Variants in NDUFAF6 observed in about 807,000 individuals in gnomAD.
NDUFAF6 encodes the protein NADH:ubiquinone oxidoreductase complex assembly factor 6.
A neutral mutation model predicts 40.8 loss-of-function variants in NDUFAF6; 45 were observed. The observed-to-expected ratio is 1.10, with a 90% CI of 0.87 to 1.42. The LOEUF (loss-of-function observed/expected upper bound fraction) is 1.42, where lower values mean the gene tolerates loss of function less well. Among genes scored for constraint, NDUFAF6 ranks in the 40% most tolerant of loss-of-function variants. The pLI is 0.00. For missense variants in NDUFAF6, 435 were observed against 418.5 expected, an observed-to-expected ratio of 1.04 and a Z score of -0.34; for synonymous variants, 185 against 155.9, an observed-to-expected ratio of 1.19 and a Z score of -1.39.
chr8:94,994,959 A>G (rs1826357201), intron 2 of NDUFAF6, among the ~76,000 whole-genome samples: 1 of 152,228 alleles, frequency 6.6e-6, no homozygotes, highest in South Asian at 2.1e-4. Context: ...TAGTACTATC[A>G]TATGATCTAA....
At chr8:94,953,824 T>G (rs1385160891), upstream of NDUFAF6, among the ~76,000 whole-genome samples, 4 of 152,238 alleles carry the variant, frequency 2.6e-5, no homozygotes, top group Non-Finnish European at 5.9e-5. Flanking sequence ...TTTTTTTCTT[T>G]TTGCATGAAT....
At chr8:94,986,418 A>C (rs889498845) in intron 2 of NDUFAF6, among the ~76,000 whole-genome samples, 1 of 152,242 alleles carries the variant, frequency 6.6e-6, no homozygotes, top group Non-Finnish European at 1.5e-5. Context: ...CTCCTGAGAC[A>C]TGAAGGTCCT....
intron 1 of NDUFAF6, among the ~76,000 whole-genome samples, chr8:94,962,647 C>G (rs1432017079): frequency 6.7e-6 from 1 of 150,364 alleles, no homozygotes; most frequent in Non-Finnish European, 1.5e-5. Context: ...ATGTCTCACT[C>G]TGTTTCCCAG....
At chr8:94,940,823 A>G in intron 1 of NDUFAF6, 2 of 1,603,446 alleles carry the variant, frequency 1.2e-6, no homozygotes, top group Non-Finnish European at 1.7e-6. Context: ...AACCAAGTGT[A>G]CCTTACCTAT....
upstream of NDUFAF6, among the ~76,000 whole-genome samples, chr8:94,954,746 A>G (rs553520342): frequency 3.8e-4 from 58 of 152,330 alleles, no homozygotes; most frequent in Non-Finnish European, 7.3e-4. Flanking sequence ...ATGATCTGGT[A>G]TCTGATGGTG....
upstream of NDUFAF6, among the ~76,000 whole-genome samples, chr8:95,097,568 A>G (rs184395434): frequency 2.6e-5 from 4 of 152,304 alleles, no homozygotes; most frequent in East Asian, 5.8e-4. Context: ...GCATGGTGGC[A>G]TGTGCCTGTA....
At chr8:94,948,955 G>A (rs1054763591) in intron 2 of NDUFAF6, among the ~76,000 whole-genome samples, 1 of 150,814 alleles carries the variant, frequency 6.6e-6, no homozygotes, top group Non-Finnish European at 1.5e-5. Context: ...GGCCGCCGAG[G>A]ACCGACCCAC....
downstream of NDUFAF6, among the ~76,000 whole-genome samples, chr8:95,105,126 C>G (rs1452887222): frequency 7.2e-6 from 1 of 138,860 alleles, no homozygotes; most frequent in Admixed American, 7.2e-5. Context: ...GATCACGTAG[C>G]CCAAGAGAAA....
intron 8 of NDUFAF6, 68 bp from the exon 9 acceptor site, chr8:95,057,741 G>A (rs1251871875): frequency 8.8e-7 from 1 of 1,139,544 alleles, no homozygotes; most frequent in East Asian, 2.4e-5. Context: ...TTATTCTTTA[G>A]TTAGTTTTTT....
intron 1 of NDUFAF6, among the ~76,000 whole-genome samples, chr8:94,900,600 A>G (rs1279223914): frequency 1.3e-5 from 2 of 152,176 alleles, no homozygotes; most frequent in Non-Finnish European, 2.9e-5. Flanking sequence ...TCCGGCAGTG[A>G]TGGAAATCCA....
intron 1 of NDUFAF6, among the ~76,000 whole-genome samples, chr8:94,967,161 A>G (rs1824075131): frequency 6.6e-6 from 1 of 152,250 alleles, no homozygotes; most frequent in Non-Finnish European, 1.5e-5. Context: ...TTTAGTTACA[A>G]GTTCTTGAAA....
chr8:95,071,187 A>C (rs374665894), intron 9 of NDUFAF6, among the ~76,000 whole-genome samples: 3 of 151,780 alleles, frequency 2.0e-5, no homozygotes, highest in African/African-American at 7.3e-5. Context: ...TCAGGAAATC[A>C]AGACCATCCT....
At chr8:94,901,001 A>G (rs1277025782) in intron 1 of NDUFAF6, among the ~76,000 whole-genome samples, 1 of 152,322 alleles carries the variant, frequency 6.6e-6, no homozygotes, top group East Asian at 1.9e-4. Context: ...TCAGATAGTA[A>G]TAACTAAGAT....
Position 95,058,227 on chromosome 8 carries a change from A to G in NDUFAF6, c.*290A>G, listed in dbSNP as rs1482072723. ...TTGGTGTAGCTGTGCATAGGCCATA[A>G]GCCACACTTGAGCCAGTGGGCAGGG... On this transcript the variant is annotated 3_prime_UTR_variant, in exon 9 of 9. Transcript: ENST00000396124. 7.4e-7 allele frequency: 1 copy of G among 1,348,254 alleles called. No homozygotes were observed. Among genetic ancestry groups the G allele is most frequent in the African/African-American group, 1.5e-5 (1 of 67,326 alleles). 83.5% of individuals were successfully genotyped at this position (1,348,254 alleles called of 1,614,324 possible).
At chr8:94,999,497 A>G (rs1005800133) in intron 2 of NDUFAF6, among the ~76,000 whole-genome samples, 4 of 151,596 alleles carry the variant, frequency 2.6e-5, no homozygotes, top group African/African-American at 9.7e-5. Flanking sequence ...GCTCACTGCA[A>G]CCTCCACCTC....
At chr8:94,952,180 C>T (rs528929120) in intron 2 of NDUFAF6, among the ~76,000 whole-genome samples, 188 of 152,340 alleles carry the variant, frequency 1.2e-3, no homozygotes, top group African/African-American at 4.3e-3. Flanking sequence ...TTGGAAGACT[C>T]ACAGTGCAGG....
upstream of NDUFAF6, among the ~76,000 whole-genome samples, chr8:95,020,577 C>T (rs1827652700): frequency 6.6e-6 from 1 of 152,220 alleles, no homozygotes; most frequent in Middle Eastern, 3.2e-3. Flanking sequence ...CCAGCCCACA[C>T]CAGCCCCTCT....
intron 1 of NDUFAF6, among the ~76,000 whole-genome samples, chr8:94,923,763 CCCA>C (rs1238822948): frequency 5.3e-5 from 8 of 150,440 alleles, no homozygotes; most frequent in African/African-American, 2.0e-4. Flanking sequence ...TACTTCAACC[CCCA>C]CCTCCTGGGT....
At chr8:94,901,022 A>G (rs1329534252) in intron 1 of NDUFAF6, among the ~76,000 whole-genome samples, 1 of 152,186 alleles carries the variant, frequency 6.6e-6, no homozygotes, top group Non-Finnish European at 1.5e-5. Flanking sequence ...GAAAAATAAG[A>G]GCAGGGTAAG....
Sources: gnomAD v4.1 joint callset for allele counts (sites outside exome capture counted in the v4.1 genomes callset) on GRCh38, gnomAD v4.1.1 for gene constraint, MANE v1.5 for transcripts, NCBI Gene and HGNC (gene_info 2026-07-23, HGNC 2026-07-21) for gene names.